The following D2HGDH variants were observed in gnomAD, a reference collection of about 807,000 sequenced individuals.
D2HGDH encodes D-2-hydroxyglutarate dehydrogenase.
Under a neutral mutation model 46.9 loss-of-function variants are expected in D2HGDH, and 31 were observed. The ratio of observed to expected loss-of-function variants is 0.66; its 90% CI spans 0.50 to 0.89. The LOEUF (loss-of-function observed/expected upper bound fraction) is 0.89, where lower values mean the gene tolerates loss of function less well. Ranked by LOEUF, D2HGDH falls within the 40% of genes least tolerant of loss-of-function variation. D2HGDH has a pLI of 0.00. For missense variants in D2HGDH, 698 were observed against 720.8 expected (o/e 0.97, Z 0.36); for synonymous variants, 364 against 332.6 (o/e 1.09, Z -1.03).
chr2:241,746,506 C>T (rs1198093528), intron 6 of D2HGDH, among the ~76,000 whole-genome samples: 1 of 152,206 alleles, frequency 6.6e-6, no homozygotes, highest in Non-Finnish European at 1.5e-5. Flanking sequence ...ATAATCCCAG[C>T]ACTTTGGGAG....
intron 8 of D2HGDH, among the ~76,000 whole-genome samples, chr2:241,752,371 G>A (rs1352093348): frequency 6.6e-6 from 1 of 152,130 alleles, no homozygotes; most frequent in Non-Finnish European, 1.5e-5. Flanking sequence ...GCATGATCAA[G>A]TGTGCGTCCT....
chr2:241,737,054 C>T (rs371790380), intron 2 of D2HGDH, among the ~76,000 whole-genome samples: 87 of 151,618 alleles, frequency 5.7e-4, no homozygotes, highest in Admixed American at 5.0e-3. Flanking sequence ...CTGCAAGCTC[C>T]GCCTCCTGGC....
chr2:241,739,183 G>A (rs142560265), intron 2 of D2HGDH, among the ~76,000 whole-genome samples: 2 of 152,134 alleles, frequency 1.3e-5, no homozygotes, highest in Admixed American at 1.3e-4. Flanking sequence ...CATCTTTCCC[G>A]TTAGAAGGTA....
intron 9 of D2HGDH, among the ~76,000 whole-genome samples, chr2:241,762,429 A>C (rs959379936): frequency 6.6e-6 from 1 of 151,418 alleles, no homozygotes; most frequent in Non-Finnish European, 1.5e-5. Context: ...CTGCGGTTTC[A>C]CTCTGGTTTG....
At chr2:241,749,918 T>G in intron 6 of D2HGDH, 1 of 602,448 alleles carries the variant, frequency 1.7e-6, no homozygotes, top group Non-Finnish European at 3.0e-6. Context: ...CTGATGCTGG[T>G]GGTGACACTA....
rs559974625 is a variant in D2HGDH at position 241,760,305 on chromosome 2, T to G, written c.1306+4291T>G. The stretch of plus-strand genomic sequence containing the variant: ...TCAGTCGAAGGACTTCGCCACAGCG[T>G]GGGTGGGCCTTACCCAATCAGTCGA... On this transcript the variant is annotated intron_variant, in intron 9 of 9. Coordinates refer to ENST00000321264, the MANE Select transcript of D2HGDH (RefSeq NM_152783.5). 8.6e-5 allele frequency among the ~76,000 whole-genome samples: 7 copies of G among 81,216 alleles called. No homozygotes were observed. In the East Asian group the frequency reaches 2.6e-3, roughly 30 times the overall value. 53.3% of individuals were successfully genotyped at this position (81,216 alleles called of 152,430 possible).
intron 8 of D2HGDH, chr2:241,754,409 T>C (rs34337830): frequency 0.55 from 83,095 of 151,758 alleles, 24,387 homozygotes; most frequent in African/African-American, 0.78. Context: ...TTTGGGAGGC[T>C]GAAGCAGGAG....
chr2:241,755,317 A>T, intron 8 of D2HGDH: 1 of 1,295,646 alleles, frequency 7.7e-7, no homozygotes, highest in Non-Finnish European at 1.0e-6. Flanking sequence ...ATGCCCCTTG[A>T]GCTGCCTGGG....
At chr2:241,761,526 G>A (rs1327728801) in intron 9 of D2HGDH, among the ~76,000 whole-genome samples, 4 of 152,106 alleles carry the variant, frequency 2.6e-5, no homozygotes, top group Admixed American at 6.6e-5. Context: ...GCAAAAGAGC[G>A]AAACTCCGTC....
intron 6 of D2HGDH, among the ~76,000 whole-genome samples, chr2:241,746,032 T>TA (rs1232657034): frequency 6.6e-6 from 1 of 152,218 alleles, no homozygotes; most frequent in African/African-American, 2.4e-5. Flanking sequence ...TGTGTGTGTG[T>TA]ACGTTCTTTT....
At position 241,742,299 on chromosome 2, in the gene D2HGDH, G is replaced by A. The variant is rs1345992457; in HGVS notation, c.351-136G>A. The A allele has an allele frequency of 8.4e-7, 1 of 1,194,812 alleles. No individual in the cohort carries two copies. Among genetic ancestry groups the A allele is most frequent in the Non-Finnish European group, 1.2e-6 (1 of 855,996 alleles). 74.0% of individuals were successfully genotyped at this position (1,194,812 alleles called of 1,614,324 possible). Reference sequence around the variant, plus strand: ...ATCCCTCACATGCGTGGGCTGGGGAGGAGCCCCCGCTGAGGCTGCAGGCAG... The same window carrying A: ...ATCCCTCACATGCGTGGGCTGGGGAAGAGCCCCCGCTGAGGCTGCAGGCAG... On this transcript the variant is annotated intron_variant, in intron 3 of 9. Transcript: ENST00000321264. The surrounding 1 kb of genome is among the most constrained non-coding windows in gnomAD (Gnocchi z 4.8).
chr2:241,744,977 C>CA, intron 6 of D2HGDH, 100 bp downstream of exon 6: 1 of 1,501,408 alleles, frequency 6.7e-7, no homozygotes, highest in East Asian at 2.3e-5. Flanking sequence ...GAGGGACCCC[C>CA]CGCCAAGGAC....
Position 241,742,264 on chromosome 2 carries a change from C to G in D2HGDH, c.351-171C>G, listed in dbSNP as rs1694675447. On this transcript the variant is annotated intron_variant, in intron 3 of 9. Transcript: ENST00000321264. This position sits in a 1 kb window ranked among gnomAD's most constrained non-coding sequence, Gnocchi z 4.8. ...CACAGCTTTCGGATTGGCCTCTGTC[C>G]TTCCTCAGAATCCCTCACATGCGTG... 1.3e-5 allele frequency among the ~76,000 whole-genome samples: 2 copies of G among 152,196 alleles called. No individual in the cohort carries two copies.
rs138467167 is a variant in D2HGDH, at chr2:241,744,864, C to T, written c.840C>T (p.Asn280=). Residue 280 remains asparagine (N), a synonymous_variant, in exon 6 of 10, where the codon AAC becomes AAT. Transcript: ENST00000321264. ...GTCCACCCAAGCCCAGGGCTGTGAA[C>T]GTGGCTTTCCTCGGTGGGCTTCCTC... The part of the protein sequence containing the change: ...ILCPPKPRAV[N]VAFLGCPGFA... The T allele has an allele frequency of 1.2e-4, 192 of 1,614,116 alleles. 1 individual carries two copies. The African/African-American group carries it at 1.4e-3, about 12-fold the overall frequency.
intron 2 of D2HGDH, among the ~76,000 whole-genome samples, chr2:241,739,933 C>T (rs949601813): frequency 6.6e-6 from 1 of 152,150 alleles, no homozygotes; most frequent in African/African-American, 2.4e-5. Context: ...TTGCTTGAGG[C>T]CATGAGTTCA....
At chr2:241,738,779 C>G (rs967730431) in intron 2 of D2HGDH, among the ~76,000 whole-genome samples, 7 of 152,208 alleles carry the variant, frequency 4.6e-5, no homozygotes, top group Non-Finnish European at 8.8e-5. Context: ...TCCTGCTGCC[C>G]CGAGTTTGGT....
Position 241,735,223 on chromosome 2 carries a change from C to T in D2HGDH, c.-2C>T, listed in dbSNP as rs1250548645. Reference sequence around the variant, plus strand: ...GAGCCCGAGGTCTCCGTCCCGGCGGCGATGCTGCCCCGTCGGCCTCTGGCG... The same window carrying T: ...GAGCCCGAGGTCTCCGTCCCGGCGGTGATGCTGCCCCGTCGGCCTCTGGCG... On this transcript the variant is annotated 5_prime_UTR_variant, in exon 2 of 10. Transcript: ENST00000321264. 6.6e-7 allele frequency: 1 copy of T among 1,508,290 alleles called. No homozygotes were observed. Among genetic ancestry groups the T allele is most frequent in the African/African-American group, 1.4e-5 (1 of 69,280 alleles). 93.4% of individuals were successfully genotyped at this position (1,508,290 alleles called of 1,614,324 possible). A position where few individuals can be genotyped will look rare whatever the true frequency, so the allele number is the denominator to read the frequency against.
At chr2:241,748,798 A>G (rs914915800) in intron 6 of D2HGDH, 94 of 1,149,924 alleles carry the variant, frequency 8.2e-5, no homozygotes, top group Non-Finnish European at 1.0e-4. Flanking sequence ...CGGCAGTGCC[A>G]TCTGGATCGG....
At chr2:241,735,667 G>C in intron 2 of D2HGDH, 151 bp downstream of exon 2, 1 of 1,071,932 alleles carries the variant, frequency 9.3e-7, no homozygotes, top group East Asian at 2.6e-5. Context: ...ACAGGCTGCT[G>C]GAATGAATGA....
Sources: allele counts gnomAD v4.1 joint callset (sites outside exome capture counted in the v4.1 genomes callset), GRCh38; gene constraint gnomAD v4.1.1; non-coding constraint Gnocchi (gnomAD v3.1); transcripts MANE v1.5; gene names NCBI Gene and HGNC (gene_info 2026-07-23, HGNC 2026-07-21).